Variants in DCC observed in about 807,000 individuals in gnomAD.
DCC encodes netrin receptor DCC.
Under a neutral mutation model 172.5 loss-of-function variants are expected in DCC, and 58 were observed. That is an observed-to-expected ratio of 0.34 (90% CI 0.27 to 0.42). The LOEUF (loss-of-function observed/expected upper bound fraction) is 0.42. Ranked by LOEUF, DCC falls within the 10% of genes least tolerant of loss-of-function variation. DCC has a pLI of 1.00. For missense variants in DCC, 1,740 were observed against 1,791.0 expected (o/e 0.97, Z 0.51); for synonymous variants, 709 against 644.5 (o/e 1.10, Z -1.52).
At chr18:53,454,258 T>C (rs941764797) in intron 23 of DCC, among the ~76,000 whole-genome samples, 2 of 152,164 alleles carry the variant, frequency 1.3e-5, no homozygotes, top group East Asian at 1.9e-4. Flanking sequence ...GGTTGGGGGA[T>C]CACTTAAGCC....
intron 1 of DCC, among the ~76,000 whole-genome samples, chr18:52,644,461 C>T (rs1664898009): frequency 6.6e-6 from 1 of 151,924 alleles, no homozygotes; most frequent in Admixed American, 6.6e-5. Flanking sequence ...AGCCTGTAGT[C>T]CCAGCTACTA....
At chr18:52,793,080 T>A (rs1461353500) in intron 2 of DCC, among the ~76,000 whole-genome samples, 15 of 152,100 alleles carry the variant, frequency 9.9e-5, no homozygotes, top group Non-Finnish European at 2.2e-4. Context: ...TGCAGCAGAT[T>A]TTATAGGCAG....
intron 2 of DCC, among the ~76,000 whole-genome samples, chr18:52,820,329 A>G (rs2038383247): frequency 6.6e-6 from 1 of 152,188 alleles, no homozygotes; most frequent in Non-Finnish European, 1.5e-5. Context: ...GTCTTTGCCT[A>G]ATGTGTATGT....
chr18:53,115,851 G>T (rs558777088), intron 7 of DCC, among the ~76,000 whole-genome samples: 2 of 151,532 alleles, frequency 1.3e-5, no homozygotes, highest in East Asian at 2.0e-4. Flanking sequence ...TCTTTAAGAC[G>T]AATATTTTTC....
chr18:52,469,315 G>T (rs1195060626), intron 1 of DCC, among the ~76,000 whole-genome samples: 1 of 152,036 alleles, frequency 6.6e-6, no homozygotes, highest in Non-Finnish European at 1.5e-5. Context: ...ACCTCAGGTG[G>T]CCATCCGCCC....
chr18:52,867,407 G>A (rs2039244942), intron 2 of DCC, among the ~76,000 whole-genome samples: 1 of 152,126 alleles, frequency 6.6e-6, no homozygotes, highest in South Asian at 2.1e-4. Context: ...ATGAGTTAGG[G>A]AAGATTCCCT....
Position 53,533,938 on chromosome 18 carries a change from C to T in DCC, c.*3285C>T, listed in dbSNP as rs922474288. ...GCCATCCTGTGCTAGTGTGATGTTT[C>T]AGACAACATTCTGAAACTAAAATGT... On this transcript the variant is annotated 3_prime_UTR_variant, in exon 29 of 29. Transcript: ENST00000442544. 8 of 152,206 alleles carry T rather than the reference C, an allele frequency of 5.3e-5. No homozygotes were observed. Among genetic ancestry groups the T allele is most frequent in the African/African-American group, 1.9e-4 (8 of 41,462 alleles). The allele number at this position is 152,206 out of a possible 1,614,324, so 9.4% of individuals were successfully genotyped here.
At chr18:52,708,265 C>A (rs2036241150) in intron 1 of DCC, among the ~76,000 whole-genome samples, 1 of 151,988 alleles carries the variant, frequency 6.6e-6, no homozygotes, top group African/African-American at 2.4e-5. Context: ...CACAGTGAAA[C>A]CCCGTCTCTA....
rs537820394 is a variant in DCC at position 53,376,584 on chromosome 18, A to C, written c.2360-9459A>C. ...AAGACATCTAGTTAATTCAGTGGTAACAATAGGGAAGCAATTATTTGGAAG... is the reference window on the plus strand; with the variant it reads ...AAGACATCTAGTTAATTCAGTGGTACCAATAGGGAAGCAATTATTTGGAAG... On this transcript the variant is annotated intron_variant, in intron 15 of 28. Transcript: ENST00000442544. Among the ~76,000 whole-genome samples, 6 of 152,254 alleles carry C rather than the reference A, an allele frequency of 3.9e-5. No individual in the cohort carries two copies. In the South Asian group the frequency reaches 6.2e-4, roughly 16 times the overall value.
At chr18:53,222,173 A>G (rs1445927217) in intron 12 of DCC, among the ~76,000 whole-genome samples, 1 of 152,174 alleles carries the variant, frequency 6.6e-6, no homozygotes, top group Non-Finnish European at 1.5e-5. Flanking sequence ...ATAAAATAGT[A>G]AATTATTGGA....
At chr18:52,527,019 C>T (rs1253578281) in intron 1 of DCC, among the ~76,000 whole-genome samples, 1 of 152,182 alleles carries the variant, frequency 6.6e-6, no homozygotes, top group African/African-American at 2.4e-5. Context: ...AAAAAGAAAG[C>T]TCAATGGGAA....
intron 12 of DCC, among the ~76,000 whole-genome samples, chr18:53,228,180 T>A (rs985191634): frequency 6.6e-6 from 1 of 152,156 alleles, no homozygotes. Context: ...CATTTGTGTT[T>A]CTTTTCAATG....
At chr18:52,992,608 G>T (rs1431697335) in intron 5 of DCC, among the ~76,000 whole-genome samples, 1 of 151,888 alleles carries the variant, frequency 6.6e-6, no homozygotes, top group Non-Finnish European at 1.5e-5. Flanking sequence ...TAGATAAAGA[G>T]TTGCTATTTA....
intron 5 of DCC, among the ~76,000 whole-genome samples, chr18:52,995,496 T>TC (rs1393480459): frequency 1.4e-5 from 2 of 145,932 alleles, no homozygotes; most frequent in Non-Finnish European, 3.0e-5. Flanking sequence ...TTTTTTTTTT[T>TC]CTAGGCCTCA....
intron 5 of DCC, among the ~76,000 whole-genome samples, chr18:52,950,609 C>T (rs1023100024): frequency 7.2e-5 from 11 of 152,080 alleles, no homozygotes; most frequent in Admixed American, 7.2e-4. Flanking sequence ...CTATCTTTTA[C>T]CTTATGGATA....
chr18:52,931,040 G>A (rs2040300164), intron 5 of DCC, among the ~76,000 whole-genome samples: 1 of 150,636 alleles, frequency 6.6e-6, no homozygotes, highest in Non-Finnish European at 1.5e-5. Context: ...ATTTTTTTTG[G>A]TAATTGGACA....
chr18:53,322,312 C>G (rs182098447), intron 14 of DCC, among the ~76,000 whole-genome samples, 155 bp downstream of exon 14: 1 of 152,184 alleles, frequency 6.6e-6, no homozygotes, highest in African/African-American at 2.4e-5. Flanking sequence ...TTAGTGAATA[C>G]ATAGTCTTCA....
chr18:53,194,476 G>T (rs562845783), intron 9 of DCC, among the ~76,000 whole-genome samples: 1 of 147,274 alleles, frequency 6.8e-6, no homozygotes, highest in East Asian at 2.0e-4. Context: ...GTTGTTGTTT[G>T]TTTTTTTTTT....
At chr18:52,782,783 C>T (rs928146553) in intron 2 of DCC, among the ~76,000 whole-genome samples, 12 of 152,132 alleles carry the variant, frequency 7.9e-5, no homozygotes, top group Admixed American at 6.6e-4. Context: ...CAGCATATCC[C>T]CAATAATCTG....
Sources: allele counts gnomAD v4.1 joint callset (sites outside exome capture counted in the v4.1 genomes callset), GRCh38; gene constraint gnomAD v4.1.1; transcripts MANE v1.5; gene names NCBI Gene and HGNC (gene_info 2026-07-23, HGNC 2026-07-21).